Variants in TNFAIP8 observed in about 807,000 individuals in gnomAD.
TNFAIP8 encodes TNF alpha induced protein 8, also known as tumor necrosis factor alpha-induced protein 8.
In TNFAIP8, 7 loss-of-function variants were observed where a neutral mutation model predicts 13.3. That is an observed-to-expected ratio of 0.52 (90% CI 0.30 to 0.99). The LOEUF is 0.99. TNFAIP8 is among the 50% of genes least tolerant of loss of function. The pLI, the probability that TNFAIP8 is intolerant of heterozygous loss-of-function variation, is 0.07. For missense variants in TNFAIP8, 258 were observed against 236.9 expected (o/e 1.09, Z -0.58); for synonymous variants, 94 against 87.6 (o/e 1.07, Z -0.41).
chr5:119,390,788 C>A (rs187302777), intron 1 of TNFAIP8, among the ~76,000 whole-genome samples: 1 of 152,176 alleles, frequency 6.6e-6, no homozygotes, highest in East Asian at 1.9e-4. Flanking sequence ...AATTTCAAAT[C>A]TAATTTGGTT....
At chr5:119,287,496 G>A (rs1240846729) in intron 1 of TNFAIP8, among the ~76,000 whole-genome samples, 2 of 151,932 alleles carry the variant, frequency 1.3e-5, no homozygotes, top group South Asian at 2.1e-4. Context: ...TAAATTTCAA[G>A]TAAACAATAC....
At chr5:119,335,329 A>C (rs1750519827) in intron 1 of TNFAIP8, among the ~76,000 whole-genome samples, 1 of 152,158 alleles carries the variant, frequency 6.6e-6, no homozygotes, top group East Asian at 1.9e-4. Context: ...AAATCACATT[A>C]ATTTAAGGAA....
intron 1 of TNFAIP8, among the ~76,000 whole-genome samples, chr5:119,370,401 C>A (rs746901349): frequency 6.6e-6 from 1 of 152,208 alleles, no homozygotes; most frequent in Admixed American, 6.5e-5. Context: ...CATTTAACAA[C>A]TAAAATCCCA....
rs115050951 is a variant in TNFAIP8, at chr5:119,386,695, C to G, written c.32-6121C>G. ...ATGGTGCCTGTCACTGGTTCTTAACCACTTGGGGGGATGTGCATATACCCC... is the reference window on the plus strand; with the variant it reads ...ATGGTGCCTGTCACTGGTTCTTAACGACTTGGGGGGATGTGCATATACCCC... On this transcript the variant is annotated intron_variant, in intron 1 of 1. Coordinates refer to ENST00000504771, the MANE Select transcript of TNFAIP8 (RefSeq NM_014350.4). 2.4e-3 allele frequency among the ~76,000 whole-genome samples: 373 copies of G among 152,266 alleles called. 4 individuals carry two copies. The highest frequency in any genetic ancestry group is 8.7e-3 in the African/African-American group (363 of 41,552).
At chr5:119,338,867 A>G (rs1308651460) in intron 1 of TNFAIP8, among the ~76,000 whole-genome samples, 4 of 152,130 alleles carry the variant, frequency 2.6e-5, no homozygotes, top group African/African-American at 9.7e-5. Context: ...CGTGAGACTG[A>G]GACTCTATAT....
intron 1 of TNFAIP8, among the ~76,000 whole-genome samples, chr5:119,330,981 T>TCCTGAG (rs1391446370): frequency 6.6e-6 from 1 of 151,938 alleles, no homozygotes; most frequent in African/African-American, 2.4e-5. Context: ...CCAACTATAT[T>TCCTGAG]CCTGAGCACA....
At position 119,299,244 on chromosome 5, in the gene TNFAIP8, A is replaced by G. The variant is rs953645050; in HGVS notation, c.1+30337A>G. Among the ~76,000 whole-genome samples the G allele has an allele frequency of 1.4e-4, 21 of 151,710 alleles. 1 individual carries two copies. Among genetic ancestry groups the G allele is most frequent in the African/African-American group, 2.9e-4 (12 of 41,214 alleles). On this transcript the variant is annotated intron_variant, in intron 1 of 1. Transcript: ENST00000274456. ...TTTCCCCATCTTTGTGGTTTTATCTACTTTTGGTCTTTGATGATGGTGATG... is the reference window on the plus strand; with the variant it reads ...TTTCCCCATCTTTGTGGTTTTATCTGCTTTTGGTCTTTGATGATGGTGATG...
chr5:119,336,260 C>G (rs1750548985), intron 1 of TNFAIP8, among the ~76,000 whole-genome samples: 1 of 152,168 alleles, frequency 6.6e-6, no homozygotes, highest in Non-Finnish European at 1.5e-5. Context: ...GGCAGGTGTC[C>G]CTGATCATCC....
In TNFAIP8 at chr5:119,394,113, T is replaced by A. The variant is rs1562040136; in HGVS notation, c.*732T>A. ...ATGCTTGCTTAGGGCTTCTTTTATG[T>A]TATCTTAAAAAGTGCTGGTGAATTT... On this transcript the variant is annotated 3_prime_UTR_variant, in exon 2 of 2. Transcript: ENST00000504771. 6.6e-6 allele frequency: 1 copy of A among 152,230 alleles called. No homozygotes were observed. The allele number at this position is 152,230 out of a possible 1,614,324, so 9.4% of individuals were successfully genotyped here.
At chr5:119,377,921 A>G (rs1752343050) in intron 1 of TNFAIP8, among the ~76,000 whole-genome samples, 1 of 152,220 alleles carries the variant, frequency 6.6e-6, no homozygotes, top group Admixed American at 6.5e-5. Context: ...AACCCAGGAA[A>G]TGAACAGAAA....
chr5:119,311,688 C>CAAAAAAAAAA (rs55965350), intron 1 of TNFAIP8, among the ~76,000 whole-genome samples: 11 of 66,652 alleles, frequency 1.7e-4, no homozygotes, highest in South Asian at 6.5e-4. Flanking sequence ...GACTCCGTCT[C>CAAAAAAAAAA]AAAAAAAAAA....
intron 1 of TNFAIP8, among the ~76,000 whole-genome samples, chr5:119,322,745 T>A (rs1562000180): frequency 6.6e-6 from 1 of 152,214 alleles, no homozygotes; most frequent in Non-Finnish European, 1.5e-5. Flanking sequence ...CTGGATTCTC[T>A]GCCCTTCTTA....
chr5:119,285,174 G>A (rs1320607591), intron 1 of TNFAIP8, among the ~76,000 whole-genome samples: 1 of 152,130 alleles, frequency 6.6e-6, no homozygotes, highest in African/African-American at 2.4e-5. Flanking sequence ...AGGCGAGCAG[G>A]CGAGCAGACT....
chr5:119,284,885 G>A (rs578174434), intron 1 of TNFAIP8, among the ~76,000 whole-genome samples: 9 of 152,290 alleles, frequency 5.9e-5, no homozygotes, highest in South Asian at 2.1e-4. Context: ...AAACTTAAAT[G>A]TGCCAATTTT....
At chr5:119,279,105 ATTT>A (rs1159053134) in intron 1 of TNFAIP8, among the ~76,000 whole-genome samples, 1 of 152,204 alleles carries the variant, frequency 6.6e-6, no homozygotes, top group Admixed American at 6.5e-5. Context: ...TATACACATT[ATTT>A]AATTTCATCT....
At chr5:119,387,116 C>G (rs1314134919) in intron 1 of TNFAIP8, among the ~76,000 whole-genome samples, 1 of 152,124 alleles carries the variant, frequency 6.6e-6, no homozygotes, top group Non-Finnish European at 1.5e-5. Context: ...TCCGAGCGTT[C>G]ATTGCTTTTC....
At chr5:119,365,886 G>A (rs1360762109) in intron 1 of TNFAIP8, among the ~76,000 whole-genome samples, 3 of 152,154 alleles carry the variant, frequency 2.0e-5, no homozygotes, top group Non-Finnish European at 4.4e-5. Flanking sequence ...ACAGAATTCA[G>A]GGGCAAGTAG....
chr5:119,282,500 G>C (rs1204434245), intron 1 of TNFAIP8, among the ~76,000 whole-genome samples: 1 of 152,202 alleles, frequency 6.6e-6, no homozygotes, highest in Non-Finnish European at 1.5e-5. Flanking sequence ...TTGTCCCATG[G>C]ATTCAGTGTC....
rs1753149139 is a variant in TNFAIP8 at position 119,399,578 on chromosome 5, T to G, written c.*6197T>G. 2.0e-5 allele frequency: 3 copies of G among 152,186 alleles called. No homozygotes were observed. The allele number at this position is 152,186 out of a possible 1,614,324, so 9.4% of individuals were successfully genotyped here. On this transcript the variant is annotated 3_prime_UTR_variant, in exon 2 of 2. Coordinates refer to ENST00000504771, the MANE Select transcript of TNFAIP8 (RefSeq NM_014350.4). ...AGTCTCCTTAAAAAAAAATCGGTTT[T>G]TGCTTTCAATTTAGGAAAATTGTTT...
Sources: gnomAD v4.1 joint callset for allele counts (sites outside exome capture counted in the v4.1 genomes callset) on GRCh38, gnomAD v4.1.1 for gene constraint, MANE v1.5 for transcripts, NCBI Gene and HGNC (gene_info 2026-07-23, HGNC 2026-07-21) for gene names.